The following ATP10A variants were observed in gnomAD, a reference collection of about 807,000 sequenced individuals.
ATP10A encodes phospholipid-transporting ATPase VA.
Under a neutral mutation model 147.8 loss-of-function variants are expected in ATP10A, and 111 were observed. The observed-to-expected ratio is 0.75, with a 90% confidence interval of 0.64 to 0.88. The LOEUF (loss-of-function observed/expected upper bound fraction) is 0.88. Among genes scored for constraint, ATP10A ranks in the 40% least tolerant of loss-of-function variants. The pLI, the probability that ATP10A is intolerant of heterozygous loss-of-function variation, is 0.00. For synonymous variants in ATP10A, 875 were observed against 841.6 expected, an observed-to-expected ratio of 1.04 and a Z score of -0.69; for missense variants, 1,927 against 1,959.0, an observed-to-expected ratio of 0.98 and a Z score of 0.31.
At chr15:25,828,812 A>G (rs1274122069) in intron 1 of ATP10A, among the ~76,000 whole-genome samples, 2 of 152,206 alleles carry the variant, frequency 1.3e-5, no homozygotes, top group Non-Finnish European at 2.9e-5. Flanking sequence ...GGCAGCACTC[A>G]TGCTGTGTTT....
chr15:25,818,062 TA>T (rs1404308054), intron 1 of ATP10A, among the ~76,000 whole-genome samples: 1 of 151,990 alleles, frequency 6.6e-6, no homozygotes, highest in Non-Finnish European at 1.5e-5. Context: ...TAAATTTTAC[TA>T]GCTTTTAAAA....
chr15:25,741,364 G>T (rs1887575351), intron 2 of ATP10A, among the ~76,000 whole-genome samples: 1 of 152,162 alleles, frequency 6.6e-6, no homozygotes, highest in South Asian at 2.1e-4. Flanking sequence ...TCCCAAGAGG[G>T]CCTGCTGAGG....
intron 2 of ATP10A, among the ~76,000 whole-genome samples, chr15:25,778,317 T>G (rs912371169): frequency 5.3e-5 from 8 of 152,334 alleles, no homozygotes; most frequent in East Asian, 1.9e-4. Flanking sequence ...ACAAAAAAAC[T>G]AATTGAAACA....
intron 1 of ATP10A, among the ~76,000 whole-genome samples, chr15:25,781,832 C>A (rs1889941372): frequency 6.6e-6 from 1 of 152,058 alleles, no homozygotes; most frequent in Admixed American, 6.5e-5. Context: ...GAGTACCAGT[C>A]ACAGCTTAAC....
chr15:25,716,334 C>T (rs1901805815), intron 9 of ATP10A, among the ~76,000 whole-genome samples: 2 of 152,122 alleles, frequency 1.3e-5, no homozygotes. Flanking sequence ...GGAGGTTGTC[C>T]TGGGTAGCCT....
Position 25,683,642 on chromosome 15 carries a change from C to A in ATP10A, c.3292-156G>T, listed in dbSNP as rs935123025. The A allele has an allele frequency of 7.0e-5, 47 of 674,844 alleles. No homozygotes were observed. In the South Asian group the frequency reaches 9.0e-4, roughly 13 times the overall value. 41.8% of individuals were successfully genotyped at this position (674,844 alleles called of 1,614,324 possible). On this transcript the variant is annotated intron_variant, in intron 16 of 20. Coordinates refer to ENST00000555815, the MANE Select transcript of ATP10A (RefSeq NM_024490.4). ...AAGACAGCCATGACCTTGAGCCCTG[C>A]TGCTGGCCTCTGCCTCTCCCTCTTC...
rs754863958 is a variant in ATP10A, at chr15:25,679,311, T to C, written c.*30A>G. On this transcript the variant is annotated 3_prime_UTR_variant, in exon 21 of 21. Coordinates refer to ENST00000555815, the MANE Select transcript of ATP10A (RefSeq NM_024490.4). Reference sequence around the variant, plus strand: ...CATAAATAATATTAACATTTATTTATATATATTAAAAAAGGCCATTTCAAG... The same window carrying C: ...CATAAATAATATTAACATTTATTTACATATATTAAAAAAGGCCATTTCAAG... 2 of 1,317,776 alleles carry C rather than the reference T, an allele frequency of 1.5e-6. No individual in the cohort carries two copies. The highest frequency in any genetic ancestry group is 9.9e-7 in the Non-Finnish European group (1 of 1,014,252). The allele number at this position is 1,317,776 out of a possible 1,614,324, so 81.6% of individuals were successfully genotyped here.
chr15:25,725,723 C>G (rs900510866), intron 5 of ATP10A, among the ~76,000 whole-genome samples: 32 of 152,096 alleles, frequency 2.1e-4, no homozygotes, highest in African/African-American at 6.5e-4. Context: ...CAACCTCCCC[C>G]TCCCGGGTTC....
intron 1 of ATP10A, among the ~76,000 whole-genome samples, chr15:25,812,669 G>A (rs1891483572): frequency 6.6e-6 from 1 of 152,136 alleles, no homozygotes. Flanking sequence ...TTACTGGGCT[G>A]TCTCTGTTTT....
At chr15:25,787,263 T>A in intron 1 of ATP10A, among the ~76,000 whole-genome samples, 1 of 152,116 alleles carries the variant, frequency 6.6e-6, no homozygotes, top group East Asian at 1.9e-4. Context: ...ATTTTTCCCT[T>A]TAAAATTATG....
In ATP10A at chr15:25,679,428, A is replaced by G. The variant is rs1268188859; in HGVS notation, c.4413T>C (p.Leu1471=). The change falls in exon 21 of 21, where the codon CTT becomes CTC. Residue 1471 remains leucine, a synonymous_variant. Coordinates refer to ENST00000555815, the MANE Select transcript of ATP10A (RefSeq NM_024490.4). ...ATCGGCCTGAGTGGGGCTGGACAGG[A>G]AGTCCACGTCCCGCTTGTCCATCTG... ...QLADGQAGRG[L]PVQPHSGRSG... is the part of the protein sequence containing the mutation. The G allele has an allele frequency of 4.1e-5, 66 of 1,613,818 alleles. No homozygotes were observed. Among genetic ancestry groups the G allele is most frequent in the Non-Finnish European group, 4.8e-5 (57 of 1,179,794 alleles).
downstream of ATP10A, among the ~76,000 whole-genome samples, chr15:25,674,313 G>A (rs1899096564): frequency 6.6e-6 from 1 of 152,206 alleles, no homozygotes; most frequent in Non-Finnish European, 1.5e-5. Flanking sequence ...CTGAGAGTGA[G>A]TCTTCATCAC....
chr15:25,752,856 T>C (rs933735064), intron 2 of ATP10A, among the ~76,000 whole-genome samples: 12 of 152,204 alleles, frequency 7.9e-5, no homozygotes, highest in African/African-American at 2.4e-4. Context: ...TTTATAGTTT[T>C]CAGTATATGT....
chr15:25,790,639 G>C (rs987170824), intron 1 of ATP10A, among the ~76,000 whole-genome samples: 1 of 152,168 alleles, frequency 6.6e-6, no homozygotes, highest in Non-Finnish European at 1.5e-5. Context: ...TTTTCCCCAG[G>C]AAACACTAGT....
chr15:25,849,644 G>C (rs552549677), intron 1 of ATP10A, among the ~76,000 whole-genome samples: 1 of 152,266 alleles, frequency 6.6e-6, no homozygotes. Flanking sequence ...CCGTGATCAA[G>C]GAGGAGCACG....
intron 15 of ATP10A, among the ~76,000 whole-genome samples, chr15:25,689,635 C>T (rs1157809989): frequency 6.6e-6 from 1 of 152,226 alleles, no homozygotes; most frequent in Admixed American, 6.5e-5. Context: ...TATCAAGCCT[C>T]GTCCCCATCT....
intron 2 of ATP10A, among the ~76,000 whole-genome samples, chr15:25,777,096 C>CGTGTGTGTGTGTGTGT (rs34174555): frequency 0.023 from 3,502 of 149,764 alleles, 56 homozygotes; most frequent in Non-Finnish European, 0.035. Flanking sequence ...TGCATACGTG[C>CGTGTGTGTGTGTGTGT]GTGTGTGTGT....
intron 2 of ATP10A, among the ~76,000 whole-genome samples, chr15:25,748,147 A>G (rs1887947463): frequency 6.6e-6 from 1 of 152,104 alleles, no homozygotes; most frequent in Non-Finnish European, 1.5e-5. Flanking sequence ...TATTTTTAGT[A>G]GAGACAGGGT....
chr15:25,705,440 C>CAAAAAAA (rs67294220), intron 12 of ATP10A, among the ~76,000 whole-genome samples: 2 of 86,212 alleles, frequency 2.3e-5, no homozygotes, highest in African/African-American at 5.0e-5. Flanking sequence ...TGTCTCAAAG[C>CAAAAAAA]AAAAAAAAAA....
Sources: allele counts gnomAD v4.1 joint callset (sites outside exome capture counted in the v4.1 genomes callset), GRCh38; gene constraint gnomAD v4.1.1; transcripts MANE v1.5; gene names NCBI Gene and HGNC (gene_info 2026-07-23, HGNC 2026-07-21).